ADAMTS18: variants seen among roughly 807,000 people sequenced by gnomAD.
The protein encoded by ADAMTS18 is ADAM metallopeptidase with thrombospondin type 1 motif 18.
ADAMTS18 carries 157 observed loss-of-function variants against 165.9 expected under a neutral mutation model. That is an observed-to-expected ratio of 0.95 (90% CI 0.83 to 1.08). ADAMTS18 has a LOEUF of 1.08. Ranked by LOEUF, ADAMTS18 falls within the 50% of genes least tolerant of loss-of-function variation. The pLI, the probability that ADAMTS18 is intolerant of heterozygous loss-of-function variation, is 0.00. For synonymous variants in ADAMTS18, 782 were observed against 578.2 expected, an observed-to-expected ratio of 1.35 and a Z score of -5.06; for missense variants, 2,040 against 1,534.0, an observed-to-expected ratio of 1.33 and a Z score of -5.51.
chr16:77,424,867 A>G (rs916454804), intron 3 of ADAMTS18, among the ~76,000 whole-genome samples: 4 of 152,144 alleles, frequency 2.6e-5, no homozygotes, highest in African/African-American at 7.2e-5. Flanking sequence ...GGTGTATGTA[A>G]TTCAACAAAC....
chr16:77,376,762 T>G (rs1472685761), intron 3 of ADAMTS18, among the ~76,000 whole-genome samples: 1 of 152,130 alleles, frequency 6.6e-6, no homozygotes, highest in Non-Finnish European at 1.5e-5. Flanking sequence ...AGTGTTTTAT[T>G]TGTGAACAGG....
In ADAMTS18 at chr16:77,319,979, G is replaced by C; in HGVS notation, c.2402C>G (p.Thr801Ser). ...VRSLSQKYYL[T>S]GGWSIDWPGE... is the part of the protein sequence containing the mutation. The stretch of plus-strand genomic sequence containing the variant: ...AGGCCAGTCGATGCTCCAGCCCCCG[G>C]TGAGGTAATACTTTTGACTGAGGCT... The change falls in exon 16 of 23, where the codon ACC (threonine) becomes AGC (serine). Residue 801 changes from threonine (T) to serine (S), a missense_variant. Physicochemically the swap from Thr to Ser is moderately conservative, Grantham distance 58. Transcript: ENST00000282849. 2 of 1,614,180 alleles carry C rather than the reference G, an allele frequency of 1.2e-6. No individual in the cohort carries two copies. The highest frequency in any genetic ancestry group is 2.2e-5 in the South Asian group (2 of 91,090).
intron 3 of ADAMTS18, among the ~76,000 whole-genome samples, chr16:77,379,623 G>C (rs142836710): frequency 6.6e-6 from 1 of 152,234 alleles, no homozygotes; most frequent in East Asian, 1.9e-4. Context: ...TGAGTAGCTG[G>C]AACTACAGGT....
intron 3 of ADAMTS18, among the ~76,000 whole-genome samples, chr16:77,410,993 T>C (rs1204751604): frequency 2.0e-5 from 3 of 152,218 alleles, no homozygotes; most frequent in South Asian, 2.1e-4. Context: ...ATCTTTTCCA[T>C]TGGCTCACTT....
rs748409609 is a variant in ADAMTS18 at position 77,359,332 on chromosome 16, A to G, written c.1308T>C (p.His436=). ...TGLGLAFTIA[H]ESGHNFGMIH... ...GAGGCACTTACTTGTGCCCTGACTCATGAGCGATGGTGAAGGCAAGGCCAA... is the reference window on the plus strand; with the variant it reads ...GAGGCACTTACTTGTGCCCTGACTCGTGAGCGATGGTGAAGGCAAGGCCAA... Residue 436 remains histidine, a synonymous_variant, in exon 8 of 23, where the codon CAT becomes CAC. Transcript: ENST00000282849. 5.6e-6 allele frequency: 9 copies of G among 1,613,872 alleles called. No individual in the cohort carries two copies. The Admixed American group carries it at 1.5e-4, about 27-fold the overall frequency.
rs1014664416 is a variant in ADAMTS18, at chr16:77,300,982, A to G, written c.2533-578T>C. 2.0e-5 allele frequency among the ~76,000 whole-genome samples: 3 copies of G among 152,318 alleles called. No individual in the cohort carries two copies. In the East Asian group the frequency reaches 5.8e-4, roughly 29 times the overall value. On this transcript the variant is annotated intron_variant, in intron 16 of 22. Transcript: ENST00000282849. ...TTCAGAATCCAAATGTGTTTCCAAT[A>G]TACTTTCCATAGAAAATTTTCCCAA...
intron 3 of ADAMTS18, among the ~76,000 whole-genome samples, chr16:77,398,935 G>A (rs7202985): frequency 1.3e-5 from 2 of 152,092 alleles, no homozygotes; most frequent in East Asian, 1.9e-4. Context: ...GCTGCTGCAG[G>A]GAGATGTTGA....
At chr16:77,368,130 T>C (rs2056825428) in intron 3 of ADAMTS18, among the ~76,000 whole-genome samples, 1 of 152,122 alleles carries the variant, frequency 6.6e-6, no homozygotes, top group African/African-American at 2.4e-5. Flanking sequence ...ACTACAGGTA[T>C]GAGTCACCGT....
At chr16:77,372,027 T>A (rs1191698338) in intron 3 of ADAMTS18, among the ~76,000 whole-genome samples, 2 of 152,066 alleles carry the variant, frequency 1.3e-5, no homozygotes, top group African/African-American at 4.8e-5. Context: ...AAAAAAATGC[T>A]CAACATCACT....
intron 3 of ADAMTS18, among the ~76,000 whole-genome samples, chr16:77,416,203 G>A (rs2057527906): frequency 6.6e-6 from 1 of 152,174 alleles, no homozygotes; most frequent in Non-Finnish European, 1.5e-5. Context: ...TGGGGGAAGA[G>A]CATTCCAAGT....
At position 77,362,112 on chromosome 16, in the gene ADAMTS18, G is replaced by A. The variant is rs2056723961; in HGVS notation, c.1209C>T (p.Asp403=). ...DICSWKNEPC[D]TLGFAPISGM... ...GATCTGTTCATACCATACCTAGAGT[G>A]TCACATGGTTCATTCTTCCAAGAAC... Residue 403 remains aspartate (D), a synonymous_variant, in exon 7 of 23, where the codon GAC becomes GAT. Transcript: ENST00000282849. 1 of 1,613,948 alleles carries A rather than the reference G, an allele frequency of 6.2e-7. No homozygotes were observed.
chr16:77,434,570 C>A, intron 1 of ADAMTS18, 36 bp downstream of exon 1: 1 of 1,530,326 alleles, frequency 6.5e-7, no homozygotes, highest in South Asian at 1.2e-5. Flanking sequence ...GCGCCCCCTG[C>A]CACCCGCTCT....
At chr16:77,348,647 A>G (rs1328427302) in intron 10 of ADAMTS18, among the ~76,000 whole-genome samples, 2 of 152,226 alleles carry the variant, frequency 1.3e-5, no homozygotes, top group African/African-American at 4.8e-5. Context: ...AGCTTTGGTT[A>G]TCACTGTAAG....
intron 16 of ADAMTS18, among the ~76,000 whole-genome samples, chr16:77,302,744 A>C (rs2055608624): frequency 6.6e-6 from 1 of 152,200 alleles, no homozygotes; most frequent in African/African-American, 2.4e-5. Flanking sequence ...TAGTTTGACA[A>C]ATTTTCAACA....
intron 21 of ADAMTS18, among the ~76,000 whole-genome samples, chr16:77,290,255 C>T (rs2055337005): frequency 6.6e-6 from 1 of 152,140 alleles, no homozygotes; most frequent in Non-Finnish European, 1.5e-5. Context: ...GCCTCTGTTG[C>T]AAGTACTCCT....
At chr16:77,422,885 A>C (rs1332002820) in intron 3 of ADAMTS18, among the ~76,000 whole-genome samples, 1 of 152,202 alleles carries the variant, frequency 6.6e-6, no homozygotes, top group Non-Finnish European at 1.5e-5. Flanking sequence ...AGTCACACTT[A>C]CATGGTGTGA....
intron 16 of ADAMTS18, among the ~76,000 whole-genome samples, chr16:77,305,138 A>G (rs2055659124): frequency 6.6e-6 from 1 of 152,184 alleles, no homozygotes; most frequent in Admixed American, 6.5e-5. Context: ...TATATAAAAG[A>G]TAAGTATGTG....
At chr16:77,420,082 G>A (rs1045741293) in intron 3 of ADAMTS18, among the ~76,000 whole-genome samples, 5 of 143,476 alleles carry the variant, frequency 3.5e-5, no homozygotes, top group Non-Finnish European at 7.5e-5. Context: ...CCCCTTCGAA[G>A]CCTTTTTTTC....
chr16:77,361,608 G>A (rs1567512796), intron 7 of ADAMTS18, among the ~76,000 whole-genome samples: 1 of 152,168 alleles, frequency 6.6e-6, no homozygotes, highest in Non-Finnish European at 1.5e-5. Context: ...TACAAGCCAG[G>A]TGAGGTGGCT....
Sources: gnomAD v4.1 joint callset for allele counts (sites outside exome capture counted in the v4.1 genomes callset) on GRCh38, gnomAD v4.1.1 for gene constraint, MANE v1.5 for transcripts, NCBI Gene and HGNC (gene_info 2026-07-23, HGNC 2026-07-21) for gene names.